NOS3: variants seen among roughly 807,000 people sequenced by gnomAD.
NOS3 encodes NOS type III.
Under a neutral mutation model 144.9 loss-of-function variants are expected in NOS3, and 98 were observed. The observed-to-expected ratio is 0.68, with a 90% CI of 0.57 to 0.80. The LOEUF (loss-of-function observed/expected upper bound fraction) is 0.80. Among genes scored for constraint, NOS3 ranks in the 30% least tolerant of loss-of-function variants. The pLI is 0.00. For synonymous variants in NOS3, 714 were observed against 702.4 expected (o/e 1.02, Z -0.26); for missense variants, 1,465 against 1,656.4 (o/e 0.88, Z 2.01).
Position 151,009,540 on chromosome 7 carries a change from C to A in NOS3, c.2467C>A (p.Pro823Thr). 1 of 1,544,656 alleles carries A rather than the reference C, an allele frequency of 6.5e-7. No homozygotes were observed. Among genetic ancestry groups the A allele is most frequent in the Non-Finnish European group, 8.7e-7 (1 of 1,145,634 alleles). The change falls in exon 20 of 27, where the codon CCC (proline) becomes ACC (threonine). Residue 823 changes from proline to threonine, a missense_variant. By Grantham distance (38) the Pro-to-Thr change is conservative. This residue lies in a region of NOS3 where 745 missense variants were observed against 853.9 expected (regional missense o/e 0.87). Transcript: ENST00000297494. ...LLSRVEDPPA[P>T]TEPVAVEQLE... ...GAGCCGCGTGGAGGACCCGCCGGCG[C>A]CCACTGAGCCCGTGGCAGTAGAGCA...
rs374904296 is a variant in NOS3, at chr7:151,013,352, C to T, written c.3228C>T (p.Ala1076=). Residue 1076 remains alanine, a synonymous_variant, in exon 25 of 27, where the codon GCC becomes GCT. Transcript: ENST00000297494. ...QRGVFGRVLT[A]FSREPDNPKT... ...GGGTGTTTGGCCGAGTCCTCACCGC[C>T]TTCTCCCGGGAACCTGACAACCCCA... is the stretch of plus-strand genomic sequence containing the variant. The T allele has an allele frequency of 6.4e-5, 103 of 1,613,586 alleles. No homozygotes were observed. The highest frequency in any genetic ancestry group is 8.5e-5 in the Non-Finnish European group (100 of 1,179,848).
rs1795250950 is a variant in NOS3, at chr7:151,009,118, G to A, written c.2245+56G>A. On this transcript the variant is annotated intron_variant, in intron 18 of 26. Transcript: ENST00000297494. ...GTTCTCTGAGGCCCCCACACCCCGG[G>A]ACTAAAGCACTCTGGGGCCAGGCCC... is the stretch of plus-strand genomic sequence containing the variant. 6.8e-6 allele frequency: 11 copies of A among 1,613,140 alleles called. No homozygotes were observed. The Middle Eastern group carries it at 9.9e-4, about 145-fold the overall frequency.
intron 19 of NOS3, 32 bp from the exon 20 acceptor site, chr7:151,009,366 C>A: frequency 2.3e-6 from 2 of 857,722 alleles, no homozygotes; most frequent in Non-Finnish European, 3.6e-6. Context: ...CCCTCTCTGA[C>A]TCCCCATAAG....
chr7:151,002,165 C>T lies in NOS3; in HGVS notation c.1648-35C>T, dbSNP rs900684494. 4 of 1,482,688 alleles carry T rather than the reference C, an allele frequency of 2.7e-6. No individual in the cohort carries two copies. The highest frequency in any genetic ancestry group is 3.7e-6 in the Non-Finnish European group (4 of 1,077,194). 91.8% of individuals were successfully genotyped at this position (1,482,688 alleles called of 1,614,324 possible). A position where few individuals can be genotyped will look rare whatever the true frequency, so the allele number is the denominator to read the frequency against. On this transcript the variant is annotated intron_variant, in intron 13 of 26. Coordinates refer to ENST00000297494, the MANE Select transcript of NOS3 (RefSeq NM_000603.5). The surrounding 1 kb of genome is among the most constrained non-coding windows in gnomAD (Gnocchi z 4.1). Reference sequence around the variant, plus strand: ...TGAGGAGGGCAGGGCCTCCGGGGGCCACAGCACCCAGGACATCTGTCTTCC... The same window carrying T: ...TGAGGAGGGCAGGGCCTCCGGGGGCTACAGCACCCAGGACATCTGTCTTCC...
intron 23 of NOS3, chr7:151,011,787 G>A (rs1182571280): frequency 2.3e-6 from 1 of 427,522 alleles, no homozygotes; most frequent in South Asian, 1.7e-5. Flanking sequence ...GCCTCCCAAA[G>A]TCTTGGGATT....
Position 151,001,434 on chromosome 7 carries a change from C to T in NOS3, c.1428+9C>T. 1 of 1,587,014 alleles carries T rather than the reference C, an allele frequency of 6.3e-7. No individual in the cohort carries two copies. Among genetic ancestry groups the T allele is most frequent in the Non-Finnish European group, 8.6e-7 (1 of 1,164,284 alleles). On this transcript the variant is annotated intron_variant, in intron 11 of 26. Transcript: ENST00000297494. Reference sequence around the variant, plus strand: ...CGGCCTTCCGCTACCAGGTGCCCACCCTAACTGGCTCTGCCAGCCTGGGCC... The same window carrying T: ...CGGCCTTCCGCTACCAGGTGCCCACTCTAACTGGCTCTGCCAGCCTGGGCC...
chr7:151,001,498 T>G, intron 11 of NOS3, 46 bp from the exon 12 acceptor site: 1 of 1,609,808 alleles, frequency 6.2e-7, no homozygotes, highest in East Asian at 2.2e-5. Flanking sequence ...ACCTCTAACC[T>G]TTCCTTTTCT....
chr7:150,997,098 G>A (rs148918962), intron 5 of NOS3, among the ~76,000 whole-genome samples, 173 bp downstream of exon 5: 312 of 152,280 alleles, frequency 2.0e-3, no homozygotes, highest in African/African-American at 7.2e-3. Flanking sequence ...CAGCACCCAG[G>A]GGAACCTCAG....
chr7:150,996,397 G>C lies in NOS3; in HGVS notation c.271-7G>C. On this transcript the variant is annotated splice_region_variant and splice_polypyrimidine_tract_variant and intron_variant, in intron 3 of 26. Transcript: ENST00000297494. Reference sequence around the variant, plus strand: ...CCTGTCCTGACCTTTGCACTCCCTCGACCCAGGATGGGCCCTGCACCCCAA... The same window carrying C: ...CCTGTCCTGACCTTTGCACTCCCTCCACCCAGGATGGGCCCTGCACCCCAA... 8.2e-7 allele frequency: 1 copy of C among 1,226,798 alleles called. No individual in the cohort carries two copies. 76.0% of individuals were successfully genotyped at this position (1,226,798 alleles called of 1,614,324 possible).
chr7:150,994,028 G>A (rs1174973667), intron 2 of NOS3, 67 bp downstream of exon 2: 10 of 1,495,864 alleles, frequency 6.7e-6, no homozygotes, highest in Non-Finnish European at 8.9e-6. Context: ...GCCTGGGGCT[G>A]GGAAGGTCTG....
intron 24 of NOS3, 30 bp downstream of exon 24, chr7:151,012,502 A>G (rs1795328320): frequency 3.7e-6 from 6 of 1,602,378 alleles, no homozygotes; most frequent in Non-Finnish European, 5.1e-6. Flanking sequence ...GACTGCCTGA[A>G]GGGAGTCACA....
chr7:150,999,163 G>A (rs1563217123), intron 8 of NOS3, 27 bp from the exon 9 acceptor site: 3 of 1,610,356 alleles, frequency 1.9e-6, no homozygotes, highest in Non-Finnish European at 2.5e-6. Context: ...GCAAGGGGGT[G>A]CTGATCCCAC....
chr7:151,001,739 T>C, intron 12 of NOS3, 82 bp from the exon 13 acceptor site: 1 of 1,591,420 alleles, frequency 6.3e-7, no homozygotes, highest in Non-Finnish European at 8.6e-7. Context: ...CCCAAAACCC[T>C]GTTGTGAGGG....
chr7:151,001,655 C>G, intron 12 of NOS3, 38 bp downstream of exon 12: 2 of 1,600,550 alleles, frequency 1.2e-6, no homozygotes, highest in Non-Finnish European at 1.7e-6. Context: ...CACACACACC[C>G]TGGGGGCCCC....
At chr7:151,009,088 G>T (rs771768859) in intron 18 of NOS3, 26 bp downstream of exon 18, 60 of 1,612,768 alleles carry the variant, frequency 3.7e-5, no homozygotes, top group Non-Finnish European at 8.5e-7. Context: ...ACCCTAACCC[G>T]GCTGGTTCTC....
At chr7:150,992,390 G>C (rs1302595143) in intron 1 of NOS3, among the ~76,000 whole-genome samples, 1 of 152,218 alleles carries the variant, frequency 6.6e-6, no homozygotes. Context: ...GGGAAGGCGA[G>C]GTGGTGGGGT....
Position 151,002,289 on chromosome 7 carries a change from C to A in NOS3, c.1737C>A (p.Pro579=). 6.3e-7 allele frequency: 1 copy of A among 1,589,258 alleles called. No homozygotes were observed. Among genetic ancestry groups the A allele is most frequent in the South Asian group, 1.1e-5 (1 of 87,598 alleles). ...VVTSTFGNGD[P]PENGESFAAA... is the part of the protein sequence containing the mutation. Reference sequence around the variant, plus strand: ...CCAGCACATTTGGGAATGGGGATCCCCCGGAGAATGGAGAGGTGAGAACTT... The same window carrying A: ...CCAGCACATTTGGGAATGGGGATCCACCGGAGAATGGAGAGGTGAGAACTT... Residue 579 remains proline, a synonymous_variant, in exon 14 of 27, where the codon CCC becomes CCA. Coordinates refer to ENST00000297494, the MANE Select transcript of NOS3 (RefSeq NM_000603.5). The surrounding 1 kb of genome is among the most constrained non-coding windows in gnomAD (Gnocchi z 4.1).
chr7:151,001,327 G>C lies in NOS3; in HGVS notation c.1330G>C (p.Asp444His). 1 of 1,613,720 alleles carries C rather than the reference G, an allele frequency of 6.2e-7. No individual in the cohort carries two copies. Among genetic ancestry groups the C allele is most frequent in the Non-Finnish European group, 8.5e-7 (1 of 1,179,922 alleles). Residue 444 changes from aspartate (D) to histidine (H), a missense_variant, in exon 11 of 27, where the codon GAC (aspartate) becomes CAC (histidine). Physicochemically the swap from Asp to His is moderately conservative, Grantham distance 81. Coordinates refer to ENST00000297494, the MANE Select transcript of NOS3 (RefSeq NM_000603.5). ...EQKARGGCPA[D>H]WAWIVPPISG... ...GAAGGCCAGGGGGGGCTGCCCTGCA[G>C]ACTGGGCCTGGATCGTGCCCCCCAT... is the stretch of plus-strand genomic sequence containing the variant.
At chr7:151,000,078 T>G in intron 9 of NOS3, among the ~76,000 whole-genome samples, 1 of 126,802 alleles carries the variant, frequency 7.9e-6, no homozygotes, top group Non-Finnish European at 1.7e-5. Context: ...AATTGTGGGT[T>G]TGTGGGGGTG....
Sources: allele counts gnomAD v4.1 joint callset (sites outside exome capture counted in the v4.1 genomes callset), GRCh38; gene constraint gnomAD v4.1.1; regional missense constraint gnomAD v4.1.1; non-coding constraint Gnocchi (gnomAD v3.1); transcripts MANE v1.5; gene names NCBI Gene and HGNC (gene_info 2026-07-23, HGNC 2026-07-21).